Variants in IDH1 observed in about 807,000 individuals in gnomAD.
The protein encoded by IDH1 is isocitrate dehydrogenase (NADP(+)) 1.
Under a neutral mutation model 46.1 loss-of-function variants are expected in IDH1, and 33 were observed. The ratio of observed to expected loss-of-function variants is 0.72; its 90% CI spans 0.54 to 0.96. The LOEUF (loss-of-function observed/expected upper bound fraction) is 0.96. IDH1 is among the 40% of genes least tolerant of loss of function. The pLI, the probability that IDH1 is intolerant of heterozygous loss-of-function variation, is 0.00. For missense variants in IDH1, 421 were observed against 515.7 expected (o/e 0.82, Z 1.78); for synonymous variants, 144 against 172.8 (o/e 0.83, Z 1.31).
intron 4 of IDH1, chr2:208,247,305 G>C (rs1231002709): frequency 2.0e-5 from 3 of 152,116 alleles, no homozygotes; most frequent in African/African-American, 7.2e-5. Flanking sequence ...ACTGAACTTT[G>C]ATTTTGTTTA....
rs150906753 is a variant in IDH1, at chr2:208,236,497, C to T, written c.*582G>A. The T allele has an allele frequency of 1.5e-3, 357 of 232,540 alleles. No individual in the cohort carries two copies. The highest frequency in any genetic ancestry group is 3.9e-3 in the Middle Eastern group (3 of 770). 14.4% of individuals were successfully genotyped at this position (232,540 alleles called of 1,614,324 possible). On this transcript the variant is annotated 3_prime_UTR_variant, in exon 10 of 10. Coordinates refer to ENST00000345146, the MANE Select transcript of IDH1 (RefSeq NM_005896.4). ...TTATTCCGGATTCCAAACTCTCCTG[C>T]GGCCTAAACAGTATTTAGTCTATTG...
chr2:208,250,385 A>G (rs1342794568), intron 3 of IDH1, among the ~76,000 whole-genome samples: 1 of 151,688 alleles, frequency 6.6e-6, no homozygotes, highest in African/African-American at 2.4e-5. Context: ...ATATCTTATC[A>G]TGATTTCAAT....
chr2:208,243,969 T>G (rs1687971132), intron 5 of IDH1, among the ~76,000 whole-genome samples: 1 of 152,248 alleles, frequency 6.6e-6, no homozygotes, highest in African/African-American at 2.4e-5. Context: ...TGGATATTTG[T>G]CCCTTCCAAA....
intron 6 of IDH1, among the ~76,000 whole-genome samples, chr2:208,242,562 G>A (rs965084219): frequency 6.6e-6 from 1 of 152,126 alleles, no homozygotes. Flanking sequence ...TCTGGGCTTG[G>A]TATAGATGGG....
rs115216870 is a variant in IDH1, at chr2:208,253,198, G to C, written c.-17+688C>G. On this transcript the variant is annotated intron_variant, in intron 2 of 9. Coordinates refer to ENST00000345146, the MANE Select transcript of IDH1 (RefSeq NM_005896.4). Reference sequence around the variant, plus strand: ...AAATGTGAAGACTGATATCTTTTTAGTTCACTATTTCCTTCTCAGTTAAAG... The same window carrying C: ...AAATGTGAAGACTGATATCTTTTTACTTCACTATTTCCTTCTCAGTTAAAG... 7.8e-3 allele frequency among the ~76,000 whole-genome samples: 1,182 copies of C among 152,318 alleles called. 6 individuals are homozygous for C. The highest frequency in any genetic ancestry group is 0.026 in the African/African-American group (1,091 of 41,572).
At position 208,244,463 on chromosome 2, in the gene IDH1, A is replaced by G. The variant is rs556009698; in HGVS notation, c.520+856T>C. Among the ~76,000 whole-genome samples, 183 of 152,364 alleles carry G rather than the reference A, an allele frequency of 1.2e-3. 1 individual carries two copies. The highest frequency in any genetic ancestry group is 2.1e-3 in the Non-Finnish European group (140 of 68,038). On this transcript the variant is annotated intron_variant, in intron 5 of 9. Transcript: ENST00000345146. ...AACTTAAATTTCAAATACTGAATGAAAATTCTTATAATCTCCTGGAGGATA... is the reference window on the plus strand; with the variant it reads ...AACTTAAATTTCAAATACTGAATGAGAATTCTTATAATCTCCTGGAGGATA...
intron 2 of IDH1, among the ~76,000 whole-genome samples, chr2:208,252,001 C>T (rs1022937503): frequency 6.6e-6 from 1 of 152,138 alleles, no homozygotes; most frequent in African/African-American, 2.4e-5. Flanking sequence ...GTTTATTGAA[C>T]ACTTCAGTCC....
In IDH1 at chr2:208,242,067, C is replaced by T; in HGVS notation, c.777G>A (p.Met259Ile). Residue 259 changes from methionine to isoleucine, a missense_variant, in exon 7 of 10, where the codon ATG becomes ATA. Transcript: ENST00000345146. ...CCCAGATGAAGCCTCCCTCTGATTT[C>T]ATAGCTTGGGCCACCATGTCGTCGA... is the stretch of plus-strand genomic sequence containing the variant. ...RLIDDMVAQA[M>I]KSEGGFIWAC... 2 of 1,613,608 alleles carry T rather than the reference C, an allele frequency of 1.2e-6. No homozygotes were observed. The highest frequency in any genetic ancestry group is 8.5e-7 in the Non-Finnish European group (1 of 1,179,882).
intron 2 of IDH1, 71 bp from the exon 3 acceptor site, chr2:208,251,638 T>C: frequency 4.7e-6 from 6 of 1,286,746 alleles, no homozygotes; most frequent in Non-Finnish European, 6.6e-6. Context: ...AACAACGTAG[T>C]GTTTATATAA....
chr2:208,245,212 C>T (rs2124856586), intron 5 of IDH1, 107 bp downstream of exon 5: 1 of 708,308 alleles, frequency 1.4e-6, no homozygotes, highest in Non-Finnish European at 2.5e-6. Flanking sequence ...ACTGTAGATT[C>T]AGATTATATT....
intron 4 of IDH1, among the ~76,000 whole-genome samples, chr2:208,245,779 AC>A (rs71412485): frequency 1.9e-4 from 4 of 20,960 alleles, no homozygotes; most frequent in African/African-American, 3.6e-4. Context: ...AGGGTATTAG[AC>A]CCCCCCCCCA....
At chr2:208,249,218 CT>C (rs1688079464) in intron 3 of IDH1, among the ~76,000 whole-genome samples, 1 of 142,216 alleles carries the variant, frequency 7.0e-6, no homozygotes, top group African/African-American at 2.6e-5. Flanking sequence ...TTAGATGAGT[CT>C]CGTTTTGTTG....
intron 9 of IDH1, among the ~76,000 whole-genome samples, chr2:208,238,606 C>T (rs934568688): frequency 6.6e-6 from 1 of 152,198 alleles, no homozygotes; most frequent in Non-Finnish European, 1.5e-5. Context: ...CTTTTCTCAT[C>T]AGTAAGTTAA....
At chr2:208,245,543 C>CTTATT in intron 4 of IDH1, 119 bp from the exon 5 acceptor site, 3 of 310,848 alleles carry the variant, frequency 9.7e-6, no homozygotes, top group Non-Finnish European at 1.7e-5. Flanking sequence ...GTATGTCAAA[C>CTTATT]TTCTTTTTTT....
intron 2 of IDH1, 79 bp downstream of exon 2, chr2:208,253,807 T>A (rs1688165370): frequency 6.6e-6 from 1 of 152,218 alleles, no homozygotes. Flanking sequence ...TGCCTCGGCC[T>A]GCCCCCAAGA....
At chr2:208,245,785 C>CA (rs1205096727) in intron 4 of IDH1, among the ~76,000 whole-genome samples, 2 of 40,074 alleles carry the variant, frequency 5.0e-5, no homozygotes, top group Non-Finnish European at 1.5e-4. Context: ...TTAGACCCCC[C>CA]CCCCAAAAAA....
chr2:208,251,861 A>G (rs1688131888), intron 2 of IDH1, among the ~76,000 whole-genome samples: 2 of 152,196 alleles, frequency 1.3e-5, no homozygotes, highest in African/African-American at 4.8e-5. Context: ...GTTAAAAAAA[A>G]AAGAGCTTTC....
In IDH1 at chr2:208,243,460, C is replaced by T. The variant is rs587778401; in HGVS notation, c.665G>A (p.Arg222His). The stretch of plus-strand genomic sequence containing the variant: ...TATCTCCTGAAAGATGTCTTTAAAA[C>T]GCCCATCATATTTCTTCAGAATAGT... ...KNTILKKYDG[R>H]FKDIFQEIYD... The change falls in exon 6 of 10, where the codon CGT becomes CAT. Residue 222 changes from arginine to histidine, a missense_variant. By Grantham distance (29) the Arg-to-His change is conservative. Transcript: ENST00000345146. 22 of 1,613,594 alleles carry T rather than the reference C, an allele frequency of 1.4e-5. No homozygotes were observed. The highest frequency in any genetic ancestry group is 6.6e-5 in the South Asian group (6 of 91,074).
In IDH1 at chr2:208,239,054, G is replaced by C. The variant is rs199743726; in HGVS notation, c.1154+17C>G. 3.7e-6 allele frequency: 6 copies of C among 1,610,546 alleles called. No individual in the cohort carries two copies. The African/African-American group carries it at 6.7e-5, about 18-fold the overall frequency. On this transcript the variant is annotated intron_variant, in intron 9 of 9. Transcript: ENST00000345146. ...AGTGTTAATTTGACCATAGAAACTAGGGCATCTTATACTTACTTGGGTAAA... is the reference window on the plus strand; with the variant it reads ...AGTGTTAATTTGACCATAGAAACTACGGCATCTTATACTTACTTGGGTAAA...
Sources: gnomAD v4.1 joint callset for allele counts (sites outside exome capture counted in the v4.1 genomes callset) on GRCh38, gnomAD v4.1.1 for gene constraint, MANE v1.5 for transcripts, NCBI Gene and HGNC (gene_info 2026-07-23, HGNC 2026-07-21) for gene names.